RAMP1: variants seen among roughly 807,000 people sequenced by gnomAD.
RAMP1 encodes the protein receptor activity-modifying protein 1.
Under a neutral mutation model 8.2 loss-of-function variants are expected in RAMP1, and 7 were observed. That is an observed-to-expected ratio of 0.85 (90% confidence interval 0.49 to 1.60). RAMP1 has a LOEUF of 1.60. Among genes scored for constraint, RAMP1 ranks in the 40% most tolerant of loss-of-function variants. The probability of loss-of-function intolerance (pLI) is 0.00; values close to 1 mark genes in which losing one functional copy is unlikely to be tolerated. For synonymous variants in RAMP1, 92 were observed against 84.7 expected, an observed-to-expected ratio of 1.09 and a Z score of -0.47; for missense variants, 192 against 202.4, an observed-to-expected ratio of 0.95 and a Z score of 0.31.
chr2:237,899,995 C>A (rs1433000791), intron 2 of RAMP1, among the ~76,000 whole-genome samples: 1 of 152,120 alleles, frequency 6.6e-6, no homozygotes, highest in Non-Finnish European at 1.5e-5. Flanking sequence ...TAACATTTGC[C>A]ATTTTTCTTC....
rs1215109464 is a variant in RAMP1 at position 237,877,540 on chromosome 2, G to C, written c.191+178G>C. ...GAGGGAGCCAGTAGCAGGTGGACGT[G>C]AAGAGTGACGGTGGGAGGAGGCCAC... On this transcript the variant is annotated intron_variant, in intron 2 of 2. Transcript: ENST00000254661. This position sits in a 1 kb window ranked among gnomAD's most constrained non-coding sequence, Gnocchi z 4.4. Among the ~76,000 whole-genome samples the C allele has an allele frequency of 3.3e-5, 5 of 152,204 alleles. No individual in the cohort carries two copies. The highest frequency in any genetic ancestry group is 1.2e-4 in the African/African-American group (5 of 41,448).
At chr2:237,883,845 A>G (rs2062399170) in intron 2 of RAMP1, among the ~76,000 whole-genome samples, 3 of 150,338 alleles carry the variant, frequency 2.0e-5, no homozygotes, top group Admixed American at 2.0e-4. Context: ...AGAAAAGAAA[A>G]AAAAAAAAGA....
Position 237,871,872 on chromosome 2 carries a change from G to A in RAMP1, c.53-5352G>A, listed in dbSNP as rs963021084. On this transcript the variant is annotated intron_variant, in intron 1 of 2. Transcript: ENST00000254661. ...TGAGACCCTGTCTCCAAAAAAGGAA[G>A]AAAGAAAACCACTAGATACGGTGAT... is the stretch of plus-strand genomic sequence containing the variant. 3.9e-5 allele frequency among the ~76,000 whole-genome samples: 6 copies of A among 152,288 alleles called. No homozygotes were observed. The East Asian group carries it at 1.2e-3, about 29-fold the overall frequency.
intron 1 of RAMP1, among the ~76,000 whole-genome samples, chr2:237,864,326 TTCG>T (rs2062163133): frequency 7.1e-6 from 1 of 140,186 alleles, no homozygotes. Context: ...GCGTGTTTGC[TTCG>T]TAAGGCCTGC....
At chr2:237,866,230 G>T (rs913992024) in intron 1 of RAMP1, among the ~76,000 whole-genome samples, 2 of 152,032 alleles carry the variant, frequency 1.3e-5, no homozygotes, top group African/African-American at 4.8e-5. Flanking sequence ...CCGGTGCTCT[G>T]TGGCCACTAC....
chr2:237,884,780 G>A (rs1485024978), intron 2 of RAMP1, among the ~76,000 whole-genome samples: 1 of 152,204 alleles, frequency 6.6e-6, no homozygotes, highest in Non-Finnish European at 1.5e-5. Flanking sequence ...TACTGACCAT[G>A]GTAGCCTCAG....
intron 1 of RAMP1, among the ~76,000 whole-genome samples, chr2:237,863,003 C>G (rs1192452492): frequency 6.6e-6 from 1 of 152,180 alleles, no homozygotes; most frequent in Non-Finnish European, 1.5e-5. Context: ...GTACACATTT[C>G]CATCATGTGA....
intron 2 of RAMP1, among the ~76,000 whole-genome samples, chr2:237,903,819 C>A (rs963352217): frequency 1.3e-5 from 2 of 152,178 alleles, no homozygotes; most frequent in Non-Finnish European, 2.9e-5. Flanking sequence ...CTTAGCCTCC[C>A]GAGTAGCTGG....
chr2:237,896,289 T>G (rs2062541742), intron 2 of RAMP1, among the ~76,000 whole-genome samples: 1 of 152,224 alleles, frequency 6.6e-6, no homozygotes, highest in African/African-American at 2.4e-5. Context: ...GTGGGGAGCC[T>G]GACTTGGCAG....
In RAMP1 at chr2:237,877,924, C is replaced by T; in HGVS notation, c.191+562C>T. ...GCCCTTCTTCCCGCTTGAGGGGCTC[C>T]CTCATTGCCTCCCTCAGCCTCCTGG... On this transcript the variant is annotated intron_variant, in intron 2 of 2. Coordinates refer to ENST00000254661, the MANE Select transcript of RAMP1 (RefSeq NM_005855.4). This position sits in a 1 kb window ranked among gnomAD's most constrained non-coding sequence, Gnocchi z 4.4. The T allele has an allele frequency of 2.0e-6, 2 of 983,378 alleles. No homozygotes were observed. Among genetic ancestry groups the T allele is most frequent in the Non-Finnish European group, 2.4e-6 (2 of 828,024 alleles). 60.9% of individuals were successfully genotyped at this position (983,378 alleles called of 1,614,324 possible).
In RAMP1 at chr2:237,878,166, T is replaced by C. The variant is rs2062329165; in HGVS notation, c.191+804T>C. The C allele has an allele frequency of 2.0e-6, 2 of 985,264 alleles. No homozygotes were observed. The highest frequency in any genetic ancestry group is 1.7e-5 in the African/African-American group (1 of 57,238). 61.0% of individuals were successfully genotyped at this position (985,264 alleles called of 1,614,324 possible). On this transcript the variant is annotated intron_variant, in intron 2 of 2. Coordinates refer to ENST00000254661, the MANE Select transcript of RAMP1 (RefSeq NM_005855.4). This position sits in a 1 kb window ranked among gnomAD's most constrained non-coding sequence, Gnocchi z 5.7. ...GCTGAAGGCCACCGCCTCCCTGCCA[T>C]GCAAACTTCGCACAGAGATCTGTCT...
intron 1 of RAMP1, among the ~76,000 whole-genome samples, chr2:237,864,576 A>G (rs13387200): frequency 6.6e-6 from 1 of 152,158 alleles, no homozygotes; most frequent in African/African-American, 2.4e-5. Flanking sequence ...CACGGGACAC[A>G]CAGGGTCAGG....
Position 237,870,512 on chromosome 2 carries a change from C to T in RAMP1, c.53-6712C>T, listed in dbSNP as rs141137376. ...GTTTCTTAATACTTACAGAGGCTTC[C>T]GACTTTTTCTCCAGGTCTGTATTTT... On this transcript the variant is annotated intron_variant, in intron 1 of 2. Transcript: ENST00000254661. 1.8e-3 allele frequency among the ~76,000 whole-genome samples: 280 copies of T among 152,348 alleles called. 1 individual carries two copies. Among genetic ancestry groups the T allele is most frequent in the African/African-American group, 4.4e-3 (181 of 41,582 alleles).
chr2:237,893,831 C>T (rs1053421803), intron 2 of RAMP1, among the ~76,000 whole-genome samples: 6 of 152,088 alleles, frequency 3.9e-5, no homozygotes, highest in East Asian at 1.9e-4. Flanking sequence ...CCCAGCTACT[C>T]GGAGGCTGAG....
intron 1 of RAMP1, among the ~76,000 whole-genome samples, chr2:237,870,921 G>C (rs1036825075): frequency 6.6e-6 from 1 of 152,228 alleles, no homozygotes; most frequent in Non-Finnish European, 1.5e-5. Context: ...GGCACTTCGT[G>C]GGGGTAGAGG....
At chr2:237,903,995 T>TC (rs2062630963) in intron 2 of RAMP1, among the ~76,000 whole-genome samples, 1 of 152,190 alleles carries the variant, frequency 6.6e-6, no homozygotes, top group East Asian at 1.9e-4. Context: ...GGCCTAGGCC[T>TC]CCCCCAGCGT....
At chr2:237,870,384 G>T in intron 1 of RAMP1, among the ~76,000 whole-genome samples, 1 of 152,238 alleles carries the variant, frequency 6.6e-6, no homozygotes, top group Non-Finnish European at 1.5e-5. Flanking sequence ...CGTGGGGGCG[G>T]TAGCAGGGCC....
chr2:237,891,201 GGT>G lies in RAMP1; in HGVS notation c.191+13841_191+13842del, dbSNP rs1169762220. On this transcript the variant is annotated intron_variant, in intron 2 of 2. Coordinates refer to ENST00000254661, the MANE Select transcript of RAMP1 (RefSeq NM_005855.4). ...GTCTCACTCTGTCACCCAGAGTGAG[GGT>G]GCAGTGGCATGGTCTCGGCTCACTG... is the stretch of plus-strand genomic sequence containing the variant. 1.3e-5 allele frequency among the ~76,000 whole-genome samples: 2 copies of G among 149,496 alleles called. 1 individual carries two copies. Among genetic ancestry groups the G allele is most frequent in the African/African-American group, 4.9e-5 (2 of 40,798 alleles).
Position 237,877,630 on chromosome 2 carries a change from G to A in RAMP1, c.191+268G>A, listed in dbSNP as rs537070786. Among the ~76,000 whole-genome samples, 78 of 152,296 alleles carry A rather than the reference G, an allele frequency of 5.1e-4. No individual in the cohort carries two copies. Among genetic ancestry groups the A allele is most frequent in the African/African-American group, 1.9e-3 (77 of 41,570 alleles). On this transcript the variant is annotated intron_variant, in intron 2 of 2. Transcript: ENST00000254661. The surrounding 1 kb of genome is among the most constrained non-coding windows in gnomAD (Gnocchi z 4.4). ...GGGCCATGTCCAGCCAGAGATGCCC[G>A]CGGCCTCTCCAAGGGCAGGCGCCTG...
Sources: gnomAD v4.1 joint callset for allele counts (sites outside exome capture counted in the v4.1 genomes callset) on GRCh38, gnomAD v4.1.1 for gene constraint, Gnocchi (gnomAD v3.1) non-coding constraint, MANE v1.5 for transcripts, NCBI Gene and HGNC (gene_info 2026-07-23, HGNC 2026-07-21) for gene names.